NAA35: variants seen among roughly 807,000 people sequenced by gnomAD.
NAA35 encodes the protein MAK10 homolog, amino-acid N-acetyltransferase subunit.
In NAA35, 18 loss-of-function variants were observed where a neutral mutation model predicts 101.7. The observed-to-expected ratio is 0.18, with a 90% CI of 0.12 to 0.26. The LOEUF (loss-of-function observed/expected upper bound fraction) is 0.26. Ranked by LOEUF, NAA35 falls within the 10% of genes least tolerant of loss-of-function variation. The pLI is 1.00. For synonymous variants in NAA35, 267 were observed against 273.1 expected, an observed-to-expected ratio of 0.98 and a Z score of 0.22; for missense variants, 601 against 886.8, an observed-to-expected ratio of 0.68 and a Z score of 4.09.
At chr9:85,946,747 C>T (rs1218982484) in intron 2 of NAA35, among the ~76,000 whole-genome samples, 1 of 150,050 alleles carries the variant, frequency 6.7e-6, no homozygotes, top group African/African-American at 2.5e-5. Flanking sequence ...GACAATTATT[C>T]TTTCAGTGTG....
At chr9:85,941,305 C>T (rs1828501080) in intron 1 of NAA35, 32 bp downstream of exon 1, 3 of 985,490 alleles carry the variant, frequency 3.0e-6, no homozygotes, top group Admixed American at 1.2e-4. Context: ...CCATTGAAAC[C>T]CTCTCGCTCG....
intron 6 of NAA35, among the ~76,000 whole-genome samples, chr9:85,971,770 T>G (rs978110973): frequency 2.0e-5 from 3 of 152,134 alleles, no homozygotes; most frequent in African/African-American, 7.2e-5. Context: ...GATTGTATAG[T>G]TTACCTCATA....
intron 2 of NAA35, among the ~76,000 whole-genome samples, chr9:85,947,131 G>A (rs1587549580): frequency 6.6e-6 from 1 of 152,180 alleles, no homozygotes; most frequent in South Asian, 2.1e-4. Context: ...TCATTTTGGG[G>A]GATTGCCTGT....
chr9:86,024,671 T>A lies in NAA35; in HGVS notation c.*2711T>A, dbSNP rs575406651. 1.5e-4 allele frequency among the ~76,000 whole-genome samples: 23 copies of A among 152,318 alleles called. No homozygotes were observed. The highest frequency in any genetic ancestry group is 4.1e-4 in the South Asian group (2 of 4,826). The stretch of plus-strand genomic sequence containing the variant: ...ATCAAGGATGATTTTTCAGAAATTT[T>A]TTTGGCTTTGGCAACTAGACGATGG... On this transcript the variant is annotated 3_prime_UTR_variant, in exon 23 of 23. Transcript: ENST00000361671.
chr9:85,951,235 C>T (rs1408243832), intron 2 of NAA35, among the ~76,000 whole-genome samples: 1 of 151,318 alleles, frequency 6.6e-6, no homozygotes, highest in Non-Finnish European at 1.5e-5. Context: ...AAATAATATA[C>T]AAAAGTAGAG....
chr9:85,978,244 GT>G, intron 10 of NAA35, 22 bp from the exon 11 acceptor site: 3 of 1,382,884 alleles, frequency 2.2e-6, no homozygotes, highest in Non-Finnish European at 3.1e-6. Context: ...ATGTAAGAAT[GT>G]TTTTGGTGAT....
intron 17 of NAA35, chr9:86,014,314 C>T: frequency 4.4e-6 from 4 of 899,092 alleles, no homozygotes; most frequent in Non-Finnish European, 5.3e-6. Context: ...CTGTTTCAAA[C>T]CGTGGTGCTG....
Position 86,021,972 on chromosome 9 carries a change from G to A in NAA35, c.*12G>A, listed in dbSNP as rs7450. 0.21 allele frequency: 339,480 copies of A among 1,608,942 alleles called. 43,395 individuals are homozygous for A. The highest frequency in any genetic ancestry group is 0.59 in the African/African-American group (44,093 of 74,712). On this transcript the variant is annotated 3_prime_UTR_variant, in exon 23 of 23. Coordinates refer to ENST00000361671, the MANE Select transcript of NAA35 (RefSeq NM_024635.4). ...TGAAACTTGTTTGAGAGAGACTGGG[G>A]AGGTGGCCATAAAGGGGCAGAGTCT...
Position 86,018,257 on chromosome 9 carries a change from C to T in NAA35, c.1776C>T (p.Thr592=). 1 of 1,608,310 alleles carries T rather than the reference C, an allele frequency of 6.2e-7. No individual in the cohort carries two copies. The highest frequency in any genetic ancestry group is 8.5e-7 in the Non-Finnish European group (1 of 1,177,040). The change falls in exon 20 of 23, where the codon ACC becomes ACT. Residue 592 remains threonine (T), a splice_region_variant and synonymous_variant. Transcript: ENST00000361671. ...TTCTTATTCCCTTTTTCATTTAGAC[C>T]ATGGTAGCATTTGACATGGACGGCA... ...YQNMCAGMFK[T]MVAFDMDGKV... is the part of the protein sequence containing the mutation.
Position 85,962,172 on chromosome 9 carries a change from T to G in NAA35, c.508T>G (p.Phe170Val). The G allele has an allele frequency of 6.2e-7, 1 of 1,613,554 alleles. No individual in the cohort carries two copies. Among genetic ancestry groups the G allele is most frequent in the South Asian group, 1.1e-5 (1 of 91,062 alleles). The change falls in exon 6 of 23, where the codon TTT becomes GTT. Residue 170 changes from phenylalanine to valine, a missense_variant. Phe to Val is a conservative substitution (Grantham distance 50, BLOSUM62 -1). Transcript: ENST00000361671. ...GGAAAAAGTAAATAAAGCTGCTGTT[T>G]TTGAAGAGGTAAGATTTCGTAATGT... is the stretch of plus-strand genomic sequence containing the variant. ...AREKVNKAAV[F>V]EEEDFQSMTY...
At chr9:85,954,986 C>A (rs914857063) in intron 2 of NAA35, among the ~76,000 whole-genome samples, 1 of 151,370 alleles carries the variant, frequency 6.6e-6, no homozygotes, top group Non-Finnish European at 1.5e-5. Context: ...GGCACAATCT[C>A]GGCTCACTGC....
chr9:85,993,812 A>G (rs1400351558), intron 11 of NAA35, among the ~76,000 whole-genome samples: 3 of 151,598 alleles, frequency 2.0e-5, no homozygotes, highest in Admixed American at 6.6e-5. Flanking sequence ...TTTTCAAAAA[A>G]CCCTTTGCAT....
intron 11 of NAA35, among the ~76,000 whole-genome samples, chr9:85,983,729 T>C (rs1312741538): frequency 6.6e-6 from 1 of 152,086 alleles, no homozygotes; most frequent in African/African-American, 2.4e-5. Context: ...GATGGGTTGA[T>C]GGCTCAGCAA....
chr9:85,955,360 A>ATTTTTTT (rs61549690), intron 2 of NAA35, among the ~76,000 whole-genome samples: 14 of 53,940 alleles, frequency 2.6e-4, no homozygotes, highest in Admixed American at 7.6e-4. Context: ...ATATATATAT[A>ATTTTTTT]TTTTTTTTTT....
intron 13 of NAA35, 39 bp downstream of exon 13, chr9:86,003,683 T>C: frequency 8.3e-7 from 1 of 1,208,942 alleles, no homozygotes; most frequent in Non-Finnish European, 1.2e-6. Context: ...ATTTAAACAT[T>C]ATATGTGTAT....
intron 13 of NAA35, among the ~76,000 whole-genome samples, chr9:86,005,738 G>T (rs909397220): frequency 6.6e-6 from 1 of 151,928 alleles, no homozygotes; most frequent in African/African-American, 2.4e-5. Flanking sequence ...ATAACAAAAT[G>T]AAATACATAG....
At chr9:85,990,210 C>G (rs1230126169) in intron 11 of NAA35, among the ~76,000 whole-genome samples, 2 of 152,242 alleles carry the variant, frequency 1.3e-5, no homozygotes, top group East Asian at 3.8e-4. Flanking sequence ...AATACACTAT[C>G]ATGGGAACTA....
chr9:85,966,560 CT>C (rs749380268), intron 6 of NAA35: 27,053 of 896,926 alleles, frequency 0.03, no homozygotes, highest in South Asian at 0.051. Flanking sequence ...TTCTTTCTTT[CT>C]TTTTTTTTTA....
chr9:86,005,614 A>G (rs1293665145), intron 13 of NAA35, among the ~76,000 whole-genome samples: 3 of 152,212 alleles, frequency 2.0e-5, no homozygotes, highest in Non-Finnish European at 4.4e-5. Flanking sequence ...AGAACTGATT[A>G]GTGAATTTAG....
Sources: gnomAD v4.1 joint callset for allele counts (sites outside exome capture counted in the v4.1 genomes callset) on GRCh38, gnomAD v4.1.1 for gene constraint, MANE v1.5 for transcripts, NCBI Gene and HGNC (gene_info 2026-07-23, HGNC 2026-07-21) for gene names.